PDE8B: variants seen among roughly 807,000 people sequenced by gnomAD.
The protein encoded by PDE8B is high affinity cAMP-specific and IBMX-insensitive 3',5'-cyclic phosphodiesterase 8B.
Under a neutral mutation model 101.3 loss-of-function variants are expected in PDE8B, and 26 were observed. That is an observed-to-expected ratio of 0.26 (90% confidence interval 0.19 to 0.36). The LOEUF (loss-of-function observed/expected upper bound fraction) is 0.36, where lower values mean the gene tolerates loss of function less well. Among genes scored for constraint, PDE8B ranks in the 10% least tolerant of loss-of-function variants. The pLI is 1.00. For synonymous variants in PDE8B, 424 were observed against 429.3 expected (o/e 0.99, Z 0.15); for missense variants, 810 against 1,163.1 (o/e 0.70, Z 4.42).
At chr5:77,408,416 G>A (rs1386542044) in intron 13 of PDE8B, among the ~76,000 whole-genome samples, 2 of 152,098 alleles carry the variant, frequency 1.3e-5, no homozygotes, top group East Asian at 3.8e-4. Context: ...ATGGAGAGAG[G>A]GGAACAAGAC....
chr5:77,351,273 T>C (rs1781078802), intron 9 of PDE8B, 120 bp downstream of exon 9: 1 of 797,318 alleles, frequency 1.3e-6, no homozygotes, highest in South Asian at 1.4e-5. Context: ...TTGTGCTGAA[T>C]GTAGTATAGA....
chr5:77,331,082 G>A (rs554852901), intron 4 of PDE8B, among the ~76,000 whole-genome samples: 1 of 152,302 alleles, frequency 6.6e-6, no homozygotes, highest in Admixed American at 6.5e-5. Context: ...CACGTAACAT[G>A]TCCCTTTATG....
At chr5:77,210,115 G>T (rs879902281), upstream of PDE8B, among the ~76,000 whole-genome samples, 2 of 152,180 alleles carry the variant, frequency 1.3e-5, no homozygotes, top group African/African-American at 4.8e-5. The surrounding 1 kb of genome is among the most constrained non-coding windows in gnomAD (Gnocchi z 4.9). Flanking sequence ...TTCGGGAGGG[G>T]CCTCCTGGTG....
intron 1 of PDE8B, among the ~76,000 whole-genome samples, chr5:77,295,140 T>G (rs1768238122): frequency 6.6e-6 from 1 of 152,134 alleles, no homozygotes; most frequent in African/African-American, 2.4e-5. Flanking sequence ...AGCAATGCTT[T>G]AAGCCAGGAA....
intron 1 of PDE8B, among the ~76,000 whole-genome samples, chr5:77,225,813 G>A (rs1580419590): frequency 6.6e-6 from 1 of 150,932 alleles, no homozygotes; most frequent in Non-Finnish European, 1.5e-5. Flanking sequence ...ACATCATCAT[G>A]ATAATTCCTC....
At chr5:77,198,601 T>C in the PDE8B span, among the ~76,000 whole-genome samples, 1 of 152,224 alleles carries the variant, frequency 6.6e-6, no homozygotes. Flanking sequence ...AGTCATATTG[T>C]ATATTCCATC....
chr5:77,237,047 A>G (rs566546653), intron 1 of PDE8B, among the ~76,000 whole-genome samples: 1 of 152,202 alleles, frequency 6.6e-6, no homozygotes, highest in African/African-American at 2.4e-5. Flanking sequence ...TTTTATCCCT[A>G]GTAATTTTCT....
chr5:77,411,616 A>T, intron 14 of PDE8B, 60 bp from the exon 15 acceptor site: 3 of 1,393,140 alleles, frequency 2.2e-6, no homozygotes, highest in African/African-American at 1.4e-5. Flanking sequence ...ATAATAAAAA[A>T]AAAAAGAGAA....
chr5:77,214,997 A>G (rs1580354689), intron 1 of PDE8B, among the ~76,000 whole-genome samples: 1 of 152,186 alleles, frequency 6.6e-6, no homozygotes, highest in East Asian at 1.9e-4. Context: ...ATAGTACCAC[A>G]CTGTCTTTAT....
chr5:77,089,770 A>G, the PDE8B span, among the ~76,000 whole-genome samples: 2 of 152,368 alleles, frequency 1.3e-5, no homozygotes, highest in African/African-American at 2.4e-5. Context: ...TAGAACTATC[A>G]TATGATCCAT....
At chr5:77,320,078 G>A (rs973164543) in intron 2 of PDE8B, among the ~76,000 whole-genome samples, 5 of 151,856 alleles carry the variant, frequency 3.3e-5, no homozygotes, top group Non-Finnish European at 7.4e-5. Flanking sequence ...ATTTTTAAAG[G>A]TCACAAAACA....
intron 1 of PDE8B, among the ~76,000 whole-genome samples, chr5:77,294,198 G>C (rs530420342): frequency 2.6e-4 from 39 of 152,198 alleles, no homozygotes; most frequent in Middle Eastern, 3.4e-3. Flanking sequence ...ATAAAACTAA[G>C]GATTAGAGTA....
chr5:77,345,460 A>G (rs1381915951), intron 7 of PDE8B, among the ~76,000 whole-genome samples: 3 of 152,224 alleles, frequency 2.0e-5, no homozygotes, highest in Non-Finnish European at 4.4e-5. Context: ...GCACCCAGCT[A>G]GAACCGGGGT....
At chr5:77,164,083 GGAA>G in the PDE8B span, among the ~76,000 whole-genome samples, 1 of 152,350 alleles carries the variant, frequency 6.6e-6, no homozygotes, top group East Asian at 1.9e-4. Flanking sequence ...GAGAGTCCTT[GGAA>G]GAAGAAGAGG....
At chr5:77,331,568 C>T (rs1199592191) in intron 5 of PDE8B, 109 bp downstream of exon 5, 1 of 885,692 alleles carries the variant, frequency 1.1e-6, no homozygotes, top group Non-Finnish European at 1.9e-6. Context: ...GAAATTAAGC[C>T]CCAGGACTGT....
At chr5:77,426,125 C>G (rs1798063594) in intron 21 of PDE8B, 2 of 607,778 alleles carry the variant, frequency 3.3e-6, no homozygotes, top group Non-Finnish European at 5.9e-6. Context: ...ATAAACGAGT[C>G]TCTGCCTCTT....
chr5:77,269,434 A>G (rs572437871), intron 1 of PDE8B, among the ~76,000 whole-genome samples: 1 of 152,142 alleles, frequency 6.6e-6, no homozygotes, highest in South Asian at 2.1e-4. Context: ...TTGTCTCTTC[A>G]CTTTGTTGAT....
At chr5:77,190,891 G>A in the PDE8B span, among the ~76,000 whole-genome samples, 46 of 152,300 alleles carry the variant, frequency 3.0e-4, no homozygotes, top group East Asian at 8.3e-3. Context: ...TATGCTTGGT[G>A]GTCCAGTATA....
the PDE8B span, among the ~76,000 whole-genome samples, chr5:77,120,943 G>A: frequency 1.3e-5 from 2 of 152,326 alleles, no homozygotes; most frequent in Middle Eastern, 3.4e-3. Context: ...GGGCTGATGT[G>A]GCATGCTTCA....
Sources: allele counts gnomAD v4.1 joint callset (sites outside exome capture counted in the v4.1 genomes callset), GRCh38; gene constraint gnomAD v4.1.1; non-coding constraint Gnocchi (gnomAD v3.1); transcripts MANE v1.5; gene names NCBI Gene and HGNC (gene_info 2026-07-23, HGNC 2026-07-21).